Variants in BBX observed in about 807,000 individuals in gnomAD.
BBX encodes the protein HMG box transcription factor BBX.
A neutral mutation model predicts 100.2 loss-of-function variants in BBX; 30 were observed. The ratio of observed to expected loss-of-function variants is 0.30; its 90% CI spans 0.22 to 0.41. The LOEUF (loss-of-function observed/expected upper bound fraction) is 0.41. Ranked by LOEUF, BBX falls within the 10% of genes least tolerant of loss-of-function variation. BBX has a pLI of 1.00. For synonymous variants in BBX, 376 were observed against 388.1 expected, an observed-to-expected ratio of 0.97 and a Z score of 0.37; for missense variants, 1,023 against 1,129.8, an observed-to-expected ratio of 0.91 and a Z score of 1.35.
chr3:107,641,055 T>C (rs751052006), intron 2 of BBX, among the ~76,000 whole-genome samples: 2 of 151,652 alleles, frequency 1.3e-5, no homozygotes, highest in Non-Finnish European at 2.9e-5. Context: ...TCTGTTGGCA[T>C]ATAGGTAGGT....
chr3:107,621,301 T>TC (rs2055749526), intron 2 of BBX, among the ~76,000 whole-genome samples: 2 of 152,248 alleles, frequency 1.3e-5, no homozygotes, highest in Non-Finnish European at 2.9e-5. Context: ...GAAAGGAAAA[T>TC]CCAGGAAACG....
chr3:107,784,835 TTAAA>T (rs1436883801), intron 13 of BBX, among the ~76,000 whole-genome samples: 1 of 151,642 alleles, frequency 6.6e-6, no homozygotes, highest in African/African-American at 2.4e-5. Flanking sequence ...ATGAAATTAA[TTAAA>T]TAATACTAAA....
intron 9 of BBX, among the ~76,000 whole-genome samples, chr3:107,753,783 C>G (rs1030881460): frequency 6.6e-6 from 1 of 152,194 alleles, no homozygotes; most frequent in Non-Finnish European, 1.5e-5. Flanking sequence ...TTCAGTAATT[C>G]TTGAGCATGT....
chr3:107,547,860 G>T (rs991904214), intron 2 of BBX, among the ~76,000 whole-genome samples: 1 of 151,990 alleles, frequency 6.6e-6, no homozygotes, highest in Non-Finnish European at 1.5e-5. Context: ...GAGAGGTTGA[G>T]TAACTTAGGT....
chr3:107,803,953 G>T lies in BBX; in HGVS notation c.2739-1417G>T, dbSNP rs201010247. Among the ~76,000 whole-genome samples the T allele has an allele frequency of 3.4e-4, 49 of 144,340 alleles. 1 individual carries two copies. Among genetic ancestry groups the T allele is most frequent in the African/African-American group, 4.5e-4 (18 of 39,612 alleles). 94.7% of individuals were successfully genotyped at this position (144,340 alleles called of 152,430 possible). A position where few individuals can be genotyped will look rare whatever the true frequency, so the allele number is the denominator to read the frequency against. ...TTACATTGCACTTTTCATCTTTTTT[G>T]TTTTTTTTTTTCCTTTTCTAATACT... On this transcript the variant is annotated intron_variant, in intron 17 of 17. Coordinates refer to ENST00000325805, the MANE Select transcript of BBX (RefSeq NM_001142568.3).
At chr3:107,752,948 CAGG>C (rs1560096886) in intron 9 of BBX, among the ~76,000 whole-genome samples, 1 of 152,126 alleles carries the variant, frequency 6.6e-6, no homozygotes, top group Non-Finnish European at 1.5e-5. Context: ...ACAGCATGGG[CAGG>C]AGTGAACAGT....
intron 5 of BBX, among the ~76,000 whole-genome samples, chr3:107,728,348 G>C (rs950836137): frequency 7.2e-5 from 11 of 152,048 alleles, no homozygotes; most frequent in African/African-American, 2.7e-4. Flanking sequence ...TCAGTTTATG[G>C]AATCTAAGGT....
intron 12 of BBX, 125 bp from the exon 13 acceptor site, chr3:107,778,246 A>C: frequency 1.7e-6 from 2 of 1,198,546 alleles, no homozygotes; most frequent in Middle Eastern, 2.0e-4. Context: ...TTCCTTGCAC[A>C]GAATTTACTT....
At chr3:107,636,305 T>C (rs922207199) in intron 2 of BBX, among the ~76,000 whole-genome samples, 2 of 152,158 alleles carry the variant, frequency 1.3e-5, no homozygotes, top group African/African-American at 4.8e-5. Flanking sequence ...ATGGAATATT[T>C]TCCTAAAAAT....
chr3:107,718,180 A>G (rs932155837), intron 5 of BBX, among the ~76,000 whole-genome samples: 1 of 148,144 alleles, frequency 6.8e-6, no homozygotes, highest in Non-Finnish European at 1.5e-5. Flanking sequence ...TATTACCATA[A>G]TTATTAATTA....
rs1439820284 is a variant in BBX at position 107,596,598 on chromosome 3, C to A, written c.-83-49238C>A. Among the ~76,000 whole-genome samples, 3 of 152,110 alleles carry A rather than the reference C, an allele frequency of 2.0e-5. No homozygotes were observed. In the East Asian group the frequency reaches 5.8e-4, roughly 29 times the overall value. ...ATTTCCTGGCAGAGATGCAGAGAAGCAGACCAGAGCAGCCTCCTGGATCTT... is the reference window on the plus strand; with the variant it reads ...ATTTCCTGGCAGAGATGCAGAGAAGAAGACCAGAGCAGCCTCCTGGATCTT... On this transcript the variant is annotated intron_variant, in intron 2 of 17. Transcript: ENST00000325805.
intron 5 of BBX, among the ~76,000 whole-genome samples, chr3:107,727,912 A>G (rs1049255997): frequency 2.6e-5 from 4 of 152,220 alleles, no homozygotes; most frequent in African/African-American, 7.2e-5. Context: ...TGTGGAAAAT[A>G]CATTCTTAAC....
At chr3:107,583,525 A>G (rs2052438778) in intron 2 of BBX, among the ~76,000 whole-genome samples, 1 of 151,914 alleles carries the variant, frequency 6.6e-6, no homozygotes, top group Admixed American at 6.6e-5. Context: ...ATTTTGATAC[A>G]TGTATATAGT....
At chr3:107,642,786 G>A (rs1439963995) in intron 2 of BBX, among the ~76,000 whole-genome samples, 1 of 151,174 alleles carries the variant, frequency 6.6e-6, no homozygotes, top group Non-Finnish European at 1.5e-5. Flanking sequence ...ACCATGCATG[G>A]TATCATGCCC....
chr3:107,754,344 C>T (rs1047123891), intron 9 of BBX, among the ~76,000 whole-genome samples: 3 of 152,240 alleles, frequency 2.0e-5, no homozygotes, highest in Admixed American at 6.5e-5. Context: ...AGTGAAAATT[C>T]GGCCAGAAGA....
chr3:107,613,200 T>C (rs1276857903), intron 2 of BBX, among the ~76,000 whole-genome samples: 1 of 150,974 alleles, frequency 6.6e-6, no homozygotes, highest in Admixed American at 6.6e-5. Context: ...TTTTTTTTTT[T>C]TTTTTGAGAT....
chr3:107,658,261 G>A (rs1484759518), intron 3 of BBX, among the ~76,000 whole-genome samples: 2 of 152,086 alleles, frequency 1.3e-5, no homozygotes, highest in Admixed American at 6.5e-5. Flanking sequence ...TATAAATGTA[G>A]TTGTAATATT....
chr3:107,565,293 T>G (rs1184950594), intron 2 of BBX, among the ~76,000 whole-genome samples: 1 of 151,786 alleles, frequency 6.6e-6, no homozygotes, highest in African/African-American at 2.4e-5. Flanking sequence ...TTTAGTTTTC[T>G]TCTCTTTATT....
chr3:107,683,535 G>A (rs2059679853), intron 3 of BBX, among the ~76,000 whole-genome samples: 1 of 152,148 alleles, frequency 6.6e-6, no homozygotes, highest in African/African-American at 2.4e-5. Context: ...CACATTGCTT[G>A]TTTAGATTGT....
Sources: allele counts gnomAD v4.1 joint callset (sites outside exome capture counted in the v4.1 genomes callset), GRCh38; gene constraint gnomAD v4.1.1; transcripts MANE v1.5; gene names NCBI Gene and HGNC (gene_info 2026-07-23, HGNC 2026-07-21).